LRRK1: variants seen among roughly 807,000 people sequenced by gnomAD.
The protein encoded by LRRK1 is leucine rich repeat kinase 1, also known as leucine-rich repeat serine/threonine-protein kinase 1.
LRRK1 carries 113 observed loss-of-function variants against 209.1 expected under a neutral mutation model. That is an observed-to-expected ratio of 0.54 (90% CI 0.46 to 0.63). The LOEUF (loss-of-function observed/expected upper bound fraction) is 0.63. LRRK1 is among the 30% of genes least tolerant of loss of function. The probability of loss-of-function intolerance (pLI) is 0.00; values close to 1 mark genes in which losing one functional copy is unlikely to be tolerated. For synonymous variants in LRRK1, 1,144 were observed against 1,099.7 expected, an observed-to-expected ratio of 1.04 and a Z score of -0.80; for missense variants, 2,284 against 2,632.2, an observed-to-expected ratio of 0.87 and a Z score of 2.89.
At chr15:100,976,842 C>G (rs1327260229) in intron 3 of LRRK1, among the ~76,000 whole-genome samples, 1 of 152,124 alleles carries the variant, frequency 6.6e-6, no homozygotes, top group Admixed American at 6.5e-5. Flanking sequence ...CCTAGAATAC[C>G]ACACAGCACT....
At chr15:101,053,668 C>T (rs1413629379) in intron 26 of LRRK1, among the ~76,000 whole-genome samples, 5 of 152,218 alleles carry the variant, frequency 3.3e-5, no homozygotes, top group African/African-American at 1.2e-4. Context: ...TGCCGCGGTC[C>T]GGAAAGCCGC....
intron 6 of LRRK1, among the ~76,000 whole-genome samples, chr15:101,008,561 C>T (rs1567228679): frequency 6.6e-6 from 1 of 152,100 alleles, no homozygotes; most frequent in Non-Finnish European, 1.5e-5. Context: ...GCACTGAGCC[C>T]GCGCCCACCG....
chr15:101,004,558 C>T (rs943405231), intron 6 of LRRK1, among the ~76,000 whole-genome samples: 1 of 152,114 alleles, frequency 6.6e-6, no homozygotes, highest in Non-Finnish European at 1.5e-5. Flanking sequence ...GTCCGGGTTC[C>T]GGTTGGCCAT....
intron 20 of LRRK1, among the ~76,000 whole-genome samples, chr15:101,032,301 C>A (rs926547371): frequency 5.3e-5 from 8 of 149,560 alleles, no homozygotes; most frequent in African/African-American, 1.7e-4. Flanking sequence ...TTTTTTTATT[C>A]TTTAAGTTCT....
chr15:101,026,597 G>A (rs750299661), intron 17 of LRRK1, among the ~76,000 whole-genome samples: 54 of 152,246 alleles, frequency 3.5e-4, no homozygotes, highest in South Asian at 2.1e-4. Context: ...ATCACGACGT[G>A]TCCATACAGA....
intron 2 of LRRK1, among the ~76,000 whole-genome samples, chr15:100,963,927 T>C (rs2030272065): frequency 6.6e-6 from 1 of 152,294 alleles, no homozygotes; most frequent in African/African-American, 2.4e-5. Flanking sequence ...CTAAAGCAAA[T>C]AGCACTTTTC....
At chr15:101,023,728 G>GA (rs1227822857) in intron 15 of LRRK1, among the ~76,000 whole-genome samples, 8 of 152,148 alleles carry the variant, frequency 5.3e-5, no homozygotes, top group Non-Finnish European at 1.2e-4. Flanking sequence ...AACCTGCTTT[G>GA]AAAAAGTAGG....
chr15:100,971,442 T>C (rs1028329513), intron 2 of LRRK1, among the ~76,000 whole-genome samples: 22 of 152,126 alleles, frequency 1.4e-4, no homozygotes, highest in Admixed American at 3.3e-4. Context: ...ATGGGTTGGG[T>C]TTAGCTTGAG....
chr15:101,006,361 C>T (rs564683527), intron 6 of LRRK1, among the ~76,000 whole-genome samples: 18 of 121,674 alleles, frequency 1.5e-4, no homozygotes, highest in Admixed American at 4.7e-4. Context: ...CTTAATGCAA[C>T]GACAATGTGA....
At chr15:100,928,093 A>T (rs1479529329) in intron 2 of LRRK1, among the ~76,000 whole-genome samples, 5 of 152,174 alleles carry the variant, frequency 3.3e-5, no homozygotes. Flanking sequence ...ATATCTACAC[A>T]TTGCTTTTTG....
In LRRK1 at chr15:100,951,961, A is replaced by ATAAT. The variant is rs998059819; in HGVS notation, c.98-21843_98-21842insTAAT. Among the ~76,000 whole-genome samples the ATAAT allele has an allele frequency of 9.6e-5, 13 of 134,818 alleles. No individual in the cohort carries two copies. In the South Asian group the frequency reaches 1.4e-3, roughly 15 times the overall value. 88.4% of individuals were successfully genotyped at this position (134,818 alleles called of 152,430 possible). Reference sequence around the variant, plus strand: ...AGAGCGAAACTCCATCTCAGAAAAAAAAAAATAATAATAATAATAATAATA... The same window carrying ATAAT: ...AGAGCGAAACTCCATCTCAGAAAAAATAATAAAAATAATAATAATAATAATAATA... On this transcript the variant is annotated intron_variant, in intron 2 of 33. Transcript: ENST00000388948.
chr15:101,039,905 G>A (rs1004598950), intron 20 of LRRK1, among the ~76,000 whole-genome samples: 1 of 152,012 alleles, frequency 6.6e-6, no homozygotes, highest in Non-Finnish European at 1.5e-5. Flanking sequence ...AACCAACTTT[G>A]TATTCCCAAG....
intron 20 of LRRK1, among the ~76,000 whole-genome samples, chr15:101,030,495 G>A (rs1389866902): frequency 2.4e-4 from 36 of 152,254 alleles, no homozygotes; most frequent in South Asian, 6.2e-4. Context: ...TGGAAGTCTG[G>A]CACGGTGACT....
At position 100,973,854 on chromosome 15, in the gene LRRK1, G is replaced by T; in HGVS notation, c.148G>T (p.Ala50Ser). The change falls in exon 3 of 34, where the codon GCG (alanine) becomes TCG (serine). Residue 50 changes from alanine (A) to serine (S), a missense_variant. By Grantham distance (99) the Ala-to-Ser change is moderately conservative. Coordinates refer to ENST00000388948, the MANE Select transcript of LRRK1 (RefSeq NM_024652.6). ...GTCCACGCGGGGCGGTGACCCTGCA[G>T]CGCGGTCCCGCAGGACGGAAGGCAT... ...KPSTRGGDPA[A>S]RSRRTEGIRA... 1 of 1,291,948 alleles carries T rather than the reference G, an allele frequency of 7.7e-7. No homozygotes were observed. The allele number at this position is 1,291,948 out of a possible 1,614,324, so 80.0% of individuals were successfully genotyped here.
intron 2 of LRRK1, among the ~76,000 whole-genome samples, chr15:100,969,088 C>T (rs1478004221): frequency 6.6e-6 from 1 of 152,166 alleles, no homozygotes; most frequent in Admixed American, 6.5e-5. Flanking sequence ...GATACACCCA[C>T]CTTGGCCTTC....
chr15:101,053,866 G>A (rs1257801456), intron 26 of LRRK1, among the ~76,000 whole-genome samples: 4 of 152,216 alleles, frequency 2.6e-5, no homozygotes, highest in African/African-American at 9.6e-5. Flanking sequence ...GAAAAGAGCA[G>A]CTAAACTCCA....
At chr15:100,989,203 G>T in intron 5 of LRRK1, 47 bp from the exon 6 acceptor site, 1 of 1,459,320 alleles carries the variant, frequency 6.9e-7, no homozygotes, top group South Asian at 1.2e-5. Flanking sequence ...CAACGACTGT[G>T]ACACTAGCAT....
Position 100,935,731 on chromosome 15 carries a change from A to G in LRRK1, c.97+11002A>G, listed in dbSNP as rs1475730616. On this transcript the variant is annotated intron_variant, in intron 2 of 33. Transcript: ENST00000388948. ...ACACAAGTATGTAACAAACCACCCT[A>G]TCACTTGCTGGCTTAAAAGAACAAC... is the stretch of plus-strand genomic sequence containing the variant. Among the ~76,000 whole-genome samples the G allele has an allele frequency of 1.3e-5, 2 of 152,114 alleles. 1 individual carries two copies. Among genetic ancestry groups the G allele is most frequent in the South Asian group, 4.1e-4 (2 of 4,820 alleles).
chr15:100,946,972 T>C (rs1355285543), intron 2 of LRRK1, among the ~76,000 whole-genome samples: 1 of 152,180 alleles, frequency 6.6e-6, no homozygotes, highest in African/African-American at 2.4e-5. Flanking sequence ...CTTTCTTTTT[T>C]CTTTTTCTTT....
Sources: gnomAD v4.1 joint callset for allele counts (sites outside exome capture counted in the v4.1 genomes callset) on GRCh38, gnomAD v4.1.1 for gene constraint, MANE v1.5 for transcripts, NCBI Gene and HGNC (gene_info 2026-07-23, HGNC 2026-07-21) for gene names.